The following BRINP3 variants were observed in gnomAD, a reference collection of about 807,000 sequenced individuals.
The protein encoded by BRINP3 is BMP/retinoic acid inducible neural specific 3, also known as BMP/retinoic acid-inducible neural-specific protein 3.
Under a neutral mutation model 71.0 loss-of-function variants are expected in BRINP3, and 19 were observed. The ratio of observed to expected loss-of-function variants is 0.27; its 90% confidence interval spans 0.19 to 0.39. The LOEUF is 0.39. Among genes scored for constraint, BRINP3 ranks in the 10% least tolerant of loss-of-function variants. BRINP3 has a pLI of 1.00. For missense variants in BRINP3, 959 were observed against 940.8 expected, an observed-to-expected ratio of 1.02 and a Z score of -0.25; for synonymous variants, 380 against 337.7, an observed-to-expected ratio of 1.13 and a Z score of -1.37.
chr1:190,213,571 C>G (rs759154252), intron 6 of BRINP3, among the ~76,000 whole-genome samples: 1 of 152,104 alleles, frequency 6.6e-6, no homozygotes, highest in Admixed American at 6.6e-5. Context: ...GTTACAATGG[C>G]CAATTAAAAT....
chr1:190,287,313 G>A (rs182131079), intron 2 of BRINP3, among the ~76,000 whole-genome samples: 90 of 152,174 alleles, frequency 5.9e-4, no homozygotes, highest in Non-Finnish European at 1.0e-3. Context: ...AAAGGAAAAT[G>A]TTTTAAATGG....
chr1:190,191,559 T>A (rs969859817), intron 6 of BRINP3, among the ~76,000 whole-genome samples: 2 of 152,118 alleles, frequency 1.3e-5, no homozygotes, highest in African/African-American at 4.8e-5. Flanking sequence ...TCCAGCTTCA[T>A]CCATGTCACT....
chr1:190,240,068 G>A (rs1658911165), intron 4 of BRINP3, among the ~76,000 whole-genome samples: 1 of 150,990 alleles, frequency 6.6e-6, no homozygotes, highest in Non-Finnish European at 1.5e-5. Flanking sequence ...CTATTTATTA[G>A]ATAGATAATA....
At chr1:190,225,078 C>T (rs1040036696) in intron 6 of BRINP3, among the ~76,000 whole-genome samples, 1 of 151,838 alleles carries the variant, frequency 6.6e-6, no homozygotes, top group African/African-American at 2.4e-5. Context: ...GGAGTTTGCT[C>T]AAACACCTAA....
chr1:190,223,100 G>C (rs74811643), intron 6 of BRINP3, among the ~76,000 whole-genome samples: 2,721 of 151,894 alleles, frequency 0.018, 79 homozygotes, highest in African/African-American at 0.062. Context: ...ATTTAAAGAA[G>C]AACCAATATC....
chr1:190,470,666 T>A (rs926460084), intron 1 of BRINP3, among the ~76,000 whole-genome samples: 5 of 151,134 alleles, frequency 3.3e-5, no homozygotes, highest in Non-Finnish European at 7.4e-5. Flanking sequence ...AGAATGAGAA[T>A]CTATAAGATT....
At chr1:190,148,595 C>A (rs1656106337) in intron 7 of BRINP3, among the ~76,000 whole-genome samples, 1 of 121,696 alleles carries the variant, frequency 8.2e-6, no homozygotes. Flanking sequence ...GACTCTGTCA[C>A]AAAATAAATA....
intron 6 of BRINP3, among the ~76,000 whole-genome samples, chr1:190,161,632 TA>T (rs1650973146): frequency 6.6e-6 from 1 of 151,968 alleles, no homozygotes. Context: ...ACATTAGGAA[TA>T]AAAGTTGATG....
chr1:190,224,534 G>T (rs949577820), intron 6 of BRINP3, among the ~76,000 whole-genome samples: 1 of 151,762 alleles, frequency 6.6e-6, no homozygotes, highest in East Asian at 1.9e-4. Flanking sequence ...AACTAAAAAC[G>T]AAATTATTTA....
chr1:190,338,984 A>C (rs1217790319), intron 2 of BRINP3, among the ~76,000 whole-genome samples: 1 of 151,168 alleles, frequency 6.6e-6, no homozygotes, highest in Non-Finnish European at 1.5e-5. Context: ...CCACAGGCAG[A>C]GTATAGCTGA....
chr1:190,363,024 G>A (rs944733598), intron 2 of BRINP3, among the ~76,000 whole-genome samples: 2 of 151,626 alleles, frequency 1.3e-5, no homozygotes, highest in African/African-American at 4.8e-5. Context: ...TTGACTTTGA[G>A]TTAAATATAA....
chr1:190,444,479 C>G (rs1675068297), intron 2 of BRINP3, among the ~76,000 whole-genome samples: 1 of 151,172 alleles, frequency 6.6e-6, no homozygotes, highest in Non-Finnish European at 1.5e-5. Flanking sequence ...AATATATTTC[C>G]TAGGTTTGTT....
At chr1:190,320,936 GTA>G (rs1666197455) in intron 2 of BRINP3, among the ~76,000 whole-genome samples, 1 of 151,424 alleles carries the variant, frequency 6.6e-6, no homozygotes, top group South Asian at 2.1e-4. Flanking sequence ...GTGTGTGTTT[GTA>G]TATATGTATA....
intron 6 of BRINP3, among the ~76,000 whole-genome samples, chr1:190,212,338 C>G (rs1194559039): frequency 6.6e-6 from 1 of 152,050 alleles, no homozygotes; most frequent in Non-Finnish European, 1.5e-5. Flanking sequence ...ATGCTTCCTT[C>G]TAGTAAAGCT....
chr1:190,113,177 A>G (rs533943259), intron 7 of BRINP3, among the ~76,000 whole-genome samples: 51 of 152,228 alleles, frequency 3.4e-4, no homozygotes, highest in African/African-American at 1.2e-3. Context: ...TTATTATTAT[A>G]ATCATGGTAA....
intron 2 of BRINP3, among the ~76,000 whole-genome samples, chr1:190,405,211 G>T (rs1399820382): frequency 6.6e-6 from 1 of 151,882 alleles, no homozygotes; most frequent in East Asian, 1.9e-4. Context: ...CAGCACTTTG[G>T]GAGGCCGAGG....
At chr1:190,136,966 T>C (rs1655024542) in intron 7 of BRINP3, among the ~76,000 whole-genome samples, 1 of 152,024 alleles carries the variant, frequency 6.6e-6, no homozygotes, top group South Asian at 2.1e-4. Flanking sequence ...AAAGCTGGGG[T>C]ATGGTAATTA....
intron 2 of BRINP3, among the ~76,000 whole-genome samples, chr1:190,290,996 A>T (rs1663822423): frequency 6.6e-6 from 1 of 151,866 alleles, no homozygotes; most frequent in African/African-American, 2.4e-5. Flanking sequence ...GAGAGGAAAG[A>T]GAAGAAACAG....
chr1:190,342,693 G>T (rs1667743811), intron 2 of BRINP3: 1 of 151,610 alleles, frequency 6.6e-6, no homozygotes, highest in South Asian at 2.1e-4. Flanking sequence ...TTATTCTCTT[G>T]CAGACACCTC....
Sources: gnomAD v4.1 joint callset for allele counts (sites outside exome capture counted in the v4.1 genomes callset) on GRCh38, gnomAD v4.1.1 for gene constraint, MANE v1.5 for transcripts, NCBI Gene and HGNC (gene_info 2026-07-23, HGNC 2026-07-21) for gene names.